Variants in GALNTL6 observed in about 807,000 individuals in gnomAD.
GALNTL6 encodes the protein polypeptide N-acetylgalactosaminyltransferase like 6, also known as polypeptide N-acetylgalactosaminyltransferase-like 6.
Under a neutral mutation model 73.7 loss-of-function variants are expected in GALNTL6, and 46 were observed. The observed-to-expected ratio is 0.62, with a 90% CI of 0.49 to 0.80. GALNTL6 has a LOEUF of 0.80. GALNTL6 is among the 30% of genes least tolerant of loss of function. GALNTL6 has a pLI of 0.00. For missense variants in GALNTL6, 604 were observed against 755.0 expected, an observed-to-expected ratio of 0.80 and a Z score of 2.34; for synonymous variants, 259 against 263.7, an observed-to-expected ratio of 0.98 and a Z score of 0.17.
chr4:172,774,652 G>A (rs564257864), intron 5 of GALNTL6, among the ~76,000 whole-genome samples: 1 of 152,248 alleles, frequency 6.6e-6, no homozygotes, highest in East Asian at 1.9e-4. Context: ...GATACTTAGG[G>A]AGGTATTTTT....
chr4:171,843,728 T>C (rs1206713689), intron 2 of GALNTL6, among the ~76,000 whole-genome samples: 2 of 152,106 alleles, frequency 1.3e-5, no homozygotes, highest in African/African-American at 4.8e-5. Flanking sequence ...ATGAATTTAC[T>C]GCCAAAAAAA....
chr4:172,898,377 T>C (rs146913695), intron 8 of GALNTL6, among the ~76,000 whole-genome samples: 16 of 149,046 alleles, frequency 1.1e-4, no homozygotes, highest in African/African-American at 4.0e-4. Context: ...ATAATTACGA[T>C]AACATATGAA....
At chr4:172,676,453 T>A (rs1732307447) in intron 5 of GALNTL6, among the ~76,000 whole-genome samples, 1 of 152,202 alleles carries the variant, frequency 6.6e-6, no homozygotes, top group South Asian at 2.1e-4. Context: ...TACTGCACTC[T>A]CTCATTTACA....
chr4:172,179,506 T>G (rs926430130), intron 2 of GALNTL6, among the ~76,000 whole-genome samples: 5 of 139,492 alleles, frequency 3.6e-5, no homozygotes, highest in Admixed American at 2.1e-4. Context: ...TGGGGTTGTT[T>G]GTTTTTTTCT....
intron 2 of GALNTL6, among the ~76,000 whole-genome samples, chr4:171,897,716 T>G (rs1005107680): frequency 1.9e-4 from 29 of 149,988 alleles, no homozygotes; most frequent in Non-Finnish European, 4.0e-4. Flanking sequence ...AGTGGCGCAA[T>G]TTCGGCTCAC....
chr4:172,204,323 C>T (rs893739040), intron 2 of GALNTL6, among the ~76,000 whole-genome samples: 1 of 152,096 alleles, frequency 6.6e-6, no homozygotes, highest in Non-Finnish European at 1.5e-5. Context: ...TGCATTGTGA[C>T]AGTGTAAGTC....
chr4:171,824,235 G>A (rs924246868), intron 2 of GALNTL6, among the ~76,000 whole-genome samples: 9 of 151,560 alleles, frequency 5.9e-5, no homozygotes, highest in African/African-American at 2.2e-4. Context: ...TATTACAACT[G>A]CATCGGAAAT....
chr4:172,243,410 G>A (rs369007386), intron 3 of GALNTL6, among the ~76,000 whole-genome samples: 5 of 151,952 alleles, frequency 3.3e-5, no homozygotes, highest in East Asian at 3.9e-4. Flanking sequence ...ATGTATTTAC[G>A]TTCAATGAGT....
chr4:172,728,462 G>T (rs574885263), intron 5 of GALNTL6, among the ~76,000 whole-genome samples: 1 of 151,916 alleles, frequency 6.6e-6, no homozygotes, highest in African/African-American at 2.4e-5. Context: ...TTCATGCTTT[G>T]TTATGGCTGA....
chr4:172,557,565 G>A (rs528340174), intron 5 of GALNTL6, among the ~76,000 whole-genome samples: 3 of 152,170 alleles, frequency 2.0e-5, no homozygotes, highest in South Asian at 4.1e-4. Context: ...CAAAATACCT[G>A]AATAATGTAC....
At chr4:171,951,207 GAAGA>G (rs1738867080) in intron 2 of GALNTL6, among the ~76,000 whole-genome samples, 2 of 152,098 alleles carry the variant, frequency 1.3e-5, no homozygotes, top group African/African-American at 4.8e-5. Flanking sequence ...AAAAATAACA[GAAGA>G]AAGAATTATT....
chr4:172,082,032 T>C (rs911502637), intron 2 of GALNTL6, among the ~76,000 whole-genome samples: 2 of 151,794 alleles, frequency 1.3e-5, no homozygotes, highest in African/African-American at 4.8e-5. Flanking sequence ...ACCCATCAAA[T>C]TGCCCCGCTA....
intron 2 of GALNTL6, among the ~76,000 whole-genome samples, chr4:172,003,118 T>C (rs985945615): frequency 6.6e-6 from 1 of 152,136 alleles, no homozygotes; most frequent in Non-Finnish European, 1.5e-5. Context: ...GGCTTCCTGA[T>C]GGCTTCCAGC....
chr4:171,985,995 ACCACTGCACTCCAG>A (rs1228792111), intron 2 of GALNTL6, among the ~76,000 whole-genome samples: 1 of 126,322 alleles, frequency 7.9e-6, no homozygotes, highest in African/African-American at 3.0e-5. Context: ...CCGAGAATGC[ACCACTGCACTCCAG>A]CCTGAGTGAC....
At chr4:172,145,284 C>T (rs997113914) in intron 2 of GALNTL6, among the ~76,000 whole-genome samples, 7 of 151,896 alleles carry the variant, frequency 4.6e-5, no homozygotes, top group African/African-American at 7.2e-5. Context: ...GGACTACAGG[C>T]GCCCGCCACT....
chr4:172,085,320 C>T (rs1731997310), intron 2 of GALNTL6, among the ~76,000 whole-genome samples: 2 of 152,076 alleles, frequency 1.3e-5, no homozygotes, highest in Non-Finnish European at 1.5e-5. Context: ...CCTGATAACA[C>T]CACAACATTC....
At chr4:172,236,097 C>T (rs946702283) in intron 3 of GALNTL6, among the ~76,000 whole-genome samples, 11 of 152,182 alleles carry the variant, frequency 7.2e-5, no homozygotes, top group Admixed American at 7.2e-4. Flanking sequence ...AAACTAAATT[C>T]CCGTCTGAAT....
At chr4:172,860,787 T>C (rs1354973300) in intron 7 of GALNTL6, among the ~76,000 whole-genome samples, 1 of 152,214 alleles carries the variant, frequency 6.6e-6, no homozygotes, top group East Asian at 1.9e-4. Flanking sequence ...TTAATGATGC[T>C]TAAATCACTG....
At chr4:171,980,145 T>A (rs1739854117) in intron 2 of GALNTL6, among the ~76,000 whole-genome samples, 1 of 152,124 alleles carries the variant, frequency 6.6e-6, no homozygotes, top group Admixed American at 6.5e-5. Flanking sequence ...ACAGGCATTA[T>A]TAAACAGAAG....
Sources: gnomAD v4.1 joint callset for allele counts (sites outside exome capture counted in the v4.1 genomes callset) on GRCh38, gnomAD v4.1.1 for gene constraint, MANE v1.5 for transcripts, NCBI Gene and HGNC (gene_info 2026-07-23, HGNC 2026-07-21) for gene names.